The following CEP85L variants were observed in gnomAD, a reference collection of about 807,000 sequenced individuals.
The protein encoded by CEP85L is centrosomal protein of 85 kDa-like.
A neutral mutation model predicts 100.3 loss-of-function variants in CEP85L; 60 were observed. The observed-to-expected ratio is 0.60, with a 90% CI of 0.49 to 0.74. The LOEUF is 0.74. Ranked by LOEUF, CEP85L falls within the 30% of genes least tolerant of loss-of-function variation. The pLI is 0.00. For synonymous variants in CEP85L, 319 were observed against 322.7 expected (o/e 0.99, Z 0.12); for missense variants, 973 against 936.2 (o/e 1.04, Z -0.51).
At chr6:118,485,505 T>C (rs550048527) in intron 6 of CEP85L, among the ~76,000 whole-genome samples, 35 of 152,324 alleles carry the variant, frequency 2.3e-4, no homozygotes, top group African/African-American at 8.4e-4. Flanking sequence ...ACACATCCTA[T>C]TATTTATTGG....
At chr6:118,532,220 G>A (rs1777336585) in intron 3 of CEP85L, among the ~76,000 whole-genome samples, 3 of 152,016 alleles carry the variant, frequency 2.0e-5, no homozygotes, top group Admixed American at 6.6e-5. Context: ...CAACATGGAT[G>A]GAGTAGGCCA....
intron 5 of CEP85L, among the ~76,000 whole-genome samples, chr6:118,497,633 T>C (rs1415789530): frequency 2.0e-5 from 3 of 152,176 alleles, no homozygotes; most frequent in Non-Finnish European, 4.4e-5. Flanking sequence ...TAGGGACTTC[T>C]GCTATACACT....
chr6:118,604,252 A>G (rs1772023419), intron 2 of CEP85L, among the ~76,000 whole-genome samples: 1 of 152,090 alleles, frequency 6.6e-6, no homozygotes, highest in African/African-American at 2.4e-5. Context: ...AACCCTTTAC[A>G]TTTTTTTGTG....
intron 3 of CEP85L, among the ~76,000 whole-genome samples, chr6:118,533,768 T>C (rs986183953): frequency 2.0e-5 from 3 of 152,174 alleles, no homozygotes; most frequent in African/African-American, 7.2e-5. Context: ...GGCATACGGT[T>C]TTCCCAGGAA....
intron 2 of CEP85L, among the ~76,000 whole-genome samples, chr6:118,604,424 C>T (rs1240233200): frequency 6.6e-6 from 1 of 152,196 alleles, no homozygotes; most frequent in Admixed American, 6.5e-5. Flanking sequence ...AAACTTTTAG[C>T]TTTATTCTAA....
chr6:118,701,645 G>A (rs780412551), intron 1 of CEP85L, among the ~76,000 whole-genome samples: 6 of 152,164 alleles, frequency 3.9e-5, no homozygotes, highest in Non-Finnish European at 8.8e-5. Context: ...AGAGAGAAAG[G>A]CAAGGGTTGA....
At chr6:118,616,662 A>G (rs913258428) in intron 2 of CEP85L, among the ~76,000 whole-genome samples, 1 of 151,426 alleles carries the variant, frequency 6.6e-6, no homozygotes, top group Admixed American at 6.6e-5. Flanking sequence ...AAAAAAAAAA[A>G]AAGTCCAGGT....
At chr6:118,557,178 CTA>C (rs971812721) in intron 3 of CEP85L, among the ~76,000 whole-genome samples, 4 of 152,124 alleles carry the variant, frequency 2.6e-5, no homozygotes, top group Admixed American at 1.3e-4. Context: ...CAATTTGAAT[CTA>C]TATTTTTGGT....
At chr6:118,679,357 T>C (rs1326192492) in intron 1 of CEP85L, among the ~76,000 whole-genome samples, 10 of 152,208 alleles carry the variant, frequency 6.6e-5, no homozygotes, top group Non-Finnish European at 1.2e-4. Context: ...GGTTAGGCTC[T>C]AGGATTACTA....
chr6:118,630,827 C>T (rs1464721303), intron 2 of CEP85L, among the ~76,000 whole-genome samples: 2 of 152,162 alleles, frequency 1.3e-5, no homozygotes, highest in South Asian at 2.1e-4. Context: ...AGCTGAGCAC[C>T]ACCTCCTGTC....
intron 6 of CEP85L, among the ~76,000 whole-genome samples, chr6:118,488,273 C>T (rs1244960776): frequency 1.3e-5 from 2 of 151,518 alleles, no homozygotes; most frequent in Non-Finnish European, 2.9e-5. Context: ...TTCAACATAC[C>T]CAACATAAAG....
At chr6:118,609,605 G>A (rs1267383380) in intron 2 of CEP85L, among the ~76,000 whole-genome samples, 1 of 151,986 alleles carries the variant, frequency 6.6e-6, no homozygotes, top group Non-Finnish European at 1.5e-5. Context: ...AAGACCCAGT[G>A]AAATGACAAA....
intron 3 of CEP85L, 44 bp downstream of exon 3, chr6:118,565,485 T>C: frequency 3.2e-6 from 5 of 1,571,078 alleles, no homozygotes; most frequent in Non-Finnish European, 1.7e-6. Flanking sequence ...ACTGTACTCA[T>C]AACATCCACT....
chr6:118,463,612 AC>A lies in CEP85L; in HGVS notation c.*1792del, dbSNP rs1429308459. ...AATATAATTAGAAAGCCAAGTTCTT[AC>A]CAGTGACTAAGACCCTCCTTAGGTT... On this transcript the variant is annotated 3_prime_UTR_variant, in exon 13 of 13. Transcript: ENST00000368491. 1.3e-5 allele frequency: 2 copies of A among 152,072 alleles called. No individual in the cohort carries two copies. Among genetic ancestry groups the A allele is most frequent in the Non-Finnish European group, 2.9e-5 (2 of 67,942 alleles). The allele number at this position is 152,072 out of a possible 1,614,324, so 9.4% of individuals were successfully genotyped here.
rs781072805 is a variant in CEP85L, at chr6:118,614,865, C to CAGACAGAT, written c.232+17587_232+17588insATCTGTCT. Among the ~76,000 whole-genome samples, 785 of 149,962 alleles carry CAGACAGAT rather than the reference C, an allele frequency of 5.2e-3. 1 individual carries two copies. Among genetic ancestry groups the CAGACAGAT allele is most frequent in the Middle Eastern group, 0.017 (5 of 288 alleles). On this transcript the variant is annotated intron_variant, in intron 2 of 12. Coordinates refer to ENST00000368491, the MANE Select transcript of CEP85L (RefSeq NM_001042475.3). The stretch of plus-strand genomic sequence containing the variant: ...ATTCATTCATAGACAGACAGACAGA[C>CAGACAGAT]AGATAGATAGATAGATAGATAGATA...
At chr6:118,700,224 G>A (rs1044718771) in intron 1 of CEP85L, among the ~76,000 whole-genome samples, 9 of 152,226 alleles carry the variant, frequency 5.9e-5, no homozygotes, top group Admixed American at 1.3e-4. Flanking sequence ...CCTCCTTCTA[G>A]AGGAAGGAGA....
chr6:118,584,789 C>G (rs965871169), intron 2 of CEP85L, among the ~76,000 whole-genome samples: 2 of 152,200 alleles, frequency 1.3e-5, no homozygotes, highest in Non-Finnish European at 2.9e-5. Flanking sequence ...ACTATTTATG[C>G]CCCACCTAAC....
chr6:118,667,499 G>A (rs1162020007), intron 1 of CEP85L, among the ~76,000 whole-genome samples: 7 of 152,162 alleles, frequency 4.6e-5, no homozygotes, highest in Non-Finnish European at 8.8e-5. Context: ...TTCAAACTGT[G>A]CTCCTAGGGC....
At chr6:118,490,437 C>A (rs139567770) in intron 6 of CEP85L, among the ~76,000 whole-genome samples, 158 of 152,194 alleles carry the variant, frequency 1.0e-3, no homozygotes, top group African/African-American at 3.6e-3. Flanking sequence ...AAAGTTAAGT[C>A]CTTTGCGCTA....
Sources: gnomAD v4.1 joint callset for allele counts (sites outside exome capture counted in the v4.1 genomes callset) on GRCh38, gnomAD v4.1.1 for gene constraint, MANE v1.5 for transcripts, NCBI Gene and HGNC (gene_info 2026-07-23, HGNC 2026-07-21) for gene names.